MFSD8: variants seen among roughly 807,000 people sequenced by gnomAD.
MFSD8 encodes the protein major facilitator superfamily domain containing 8.
MFSD8 carries 55 observed loss-of-function variants against 66.4 expected under a neutral mutation model. The observed-to-expected ratio is 0.83, with a 90% confidence interval of 0.67 to 1.04. The LOEUF (loss-of-function observed/expected upper bound fraction) is 1.04. MFSD8 is among the 50% of genes least tolerant of loss of function. The pLI is 0.00. For missense variants in MFSD8, 550 were observed against 627.6 expected (o/e 0.88, Z 1.32); for synonymous variants, 202 against 212.8 (o/e 0.95, Z 0.44).
At chr4:127,950,022 A>G (rs1290599893) in intron 2 of MFSD8, among the ~76,000 whole-genome samples, 175 bp from the exon 3 acceptor site, 2 of 152,248 alleles carry the variant, frequency 1.3e-5, no homozygotes, top group African/African-American at 4.8e-5. Flanking sequence ...AATAAAGACT[A>G]AAAGAACATA....
intron 1 of MFSD8, among the ~76,000 whole-genome samples, chr4:127,958,492 G>A (rs1387840932): frequency 2.0e-5 from 3 of 151,966 alleles, no homozygotes; most frequent in Admixed American, 6.6e-5. Context: ...GTTGGGAGTG[G>A]TAAAGAGGAA....
At chr4:127,926,918 G>C (rs1737296645) in intron 9 of MFSD8, among the ~76,000 whole-genome samples, 2 of 152,174 alleles carry the variant, frequency 1.3e-5, no homozygotes, top group Non-Finnish European at 2.9e-5. Context: ...TCTGTGGTAT[G>C]ATACTGTTTC....
intron 4 of MFSD8, 65 bp from the exon 5 acceptor site, chr4:127,942,223 C>T (rs1740303313): frequency 7.8e-7 from 1 of 1,275,638 alleles, no homozygotes; most frequent in Non-Finnish European, 1.1e-6. Flanking sequence ...AAATTCAATC[C>T]AATTTGACTT....
intron 9 of MFSD8, among the ~76,000 whole-genome samples, chr4:127,925,509 T>C (rs545250155): frequency 6.6e-6 from 1 of 152,252 alleles, no homozygotes; most frequent in South Asian, 2.1e-4. Context: ...CACTGGTCAT[T>C]AGAGAAATGC....
rs112117684 is a variant in MFSD8, at chr4:127,943,174, CG to C, written c.439+577del. ...TAGAGGATGCAGTGAGCCAAGATTGCGCCACTGCATTCCAGTCTGGGTGACA... is the reference window on the plus strand; with the variant it reads ...TAGAGGATGCAGTGAGCCAAGATTGCCCACTGCATTCCAGTCTGGGTGACA... On this transcript the variant is annotated intron_variant, in intron 4 of 11. Coordinates refer to ENST00000641686, the MANE Select transcript of MFSD8 (RefSeq NM_001371596.2). 5.5e-3 allele frequency among the ~76,000 whole-genome samples: 829 copies of C among 151,142 alleles called. 13 individuals carry two copies. The highest frequency in any genetic ancestry group is 0.019 in the African/African-American group (787 of 41,110).
intron 3 of MFSD8, 102 bp from the exon 4 acceptor site, chr4:127,944,094 A>G (rs980104848): frequency 1.1e-5 from 16 of 1,500,830 alleles, no homozygotes; most frequent in Non-Finnish European, 1.5e-5. Flanking sequence ...AAAAATAAAA[A>G]CAATTCTAAC....
At chr4:127,946,100 T>C (rs2148930051) in intron 3 of MFSD8, among the ~76,000 whole-genome samples, 1 of 152,084 alleles carries the variant, frequency 6.6e-6, no homozygotes, top group Admixed American at 6.6e-5. Flanking sequence ...CTTTTTAAAT[T>C]TTTTTGTAGA....
intron 7 of MFSD8, among the ~76,000 whole-genome samples, chr4:127,934,862 C>T (rs532196198): frequency 7.4e-6 from 1 of 135,542 alleles, no homozygotes; most frequent in Non-Finnish European, 1.5e-5. Context: ...CAGCCTATGC[C>T]AGGTATTAAT....
At position 127,920,524 on chromosome 4, in the gene MFSD8, T is replaced by C. The variant is rs185907899; in HGVS notation, c.*106A>G. On this transcript the variant is annotated 3_prime_UTR_variant, in exon 12 of 12. Coordinates refer to ENST00000641686, the MANE Select transcript of MFSD8 (RefSeq NM_001371596.2). ...TGTTCTTGTTCTTCAAAATCTGCAA[T>C]ATCTGTAGTCTGATTCTTGGAGACT... 4.2e-5 allele frequency: 45 copies of C among 1,076,744 alleles called. No individual in the cohort carries two copies. The highest frequency in any genetic ancestry group is 3.9e-4 in the African/African-American group (25 of 64,872). The allele number at this position is 1,076,744 out of a possible 1,614,324, so 66.7% of individuals were successfully genotyped here. A position where few individuals can be genotyped will look rare whatever the true frequency, so the allele number is the denominator to read the frequency against.
At chr4:127,929,448 C>T (rs1737782372) in intron 9 of MFSD8, among the ~76,000 whole-genome samples, 1 of 147,804 alleles carries the variant, frequency 6.8e-6, no homozygotes, top group Admixed American at 6.7e-5. Context: ...ATTAGCCAGG[C>T]ATTATGGCAC....
chr4:127,962,458 A>AC (rs1743949507), intron 1 of MFSD8, among the ~76,000 whole-genome samples: 1 of 152,052 alleles, frequency 6.6e-6, no homozygotes, highest in Non-Finnish European at 1.5e-5. Flanking sequence ...ACAGAGCAAG[A>AC]CCCCGTCTCA....
rs138453020 is a variant in MFSD8 at position 127,927,630 on chromosome 4, A to T, written c.998+3053T>A. On this transcript the variant is annotated intron_variant, in intron 9 of 11. Transcript: ENST00000641686. ...GTTCCACCATAGACTATATGACTGAACTTAATTTTACACAAGCATTTCCCT... is the reference window on the plus strand; with the variant it reads ...GTTCCACCATAGACTATATGACTGATCTTAATTTTACACAAGCATTTCCCT... Among the ~76,000 whole-genome samples the T allele has an allele frequency of 1.8e-4, 27 of 152,320 alleles. No homozygotes were observed. The East Asian group carries it at 5.2e-3, about 29-fold the overall frequency.
At chr4:127,955,811 T>C (rs1280596644) in intron 2 of MFSD8, among the ~76,000 whole-genome samples, 1 of 152,156 alleles carries the variant, frequency 6.6e-6, no homozygotes, top group Non-Finnish European at 1.5e-5. Flanking sequence ...TAAGACTGTA[T>C]ATTTAAACTT....
chr4:127,944,287 G>A (rs1017060503), intron 3 of MFSD8, among the ~76,000 whole-genome samples: 1 of 152,044 alleles, frequency 6.6e-6, no homozygotes, highest in Non-Finnish European at 1.5e-5. Flanking sequence ...CACTATATAC[G>A]CATATAGCAA....
intron 7 of MFSD8, among the ~76,000 whole-genome samples, chr4:127,937,746 C>G (rs11931833): frequency 0.027 from 4,083 of 152,246 alleles, 160 homozygotes; most frequent in African/African-American, 0.093. Flanking sequence ...GAATCAATGT[C>G]AAACTTCTCC....
Position 127,921,939 on chromosome 4 carries a change from C to G in MFSD8, c.1023G>C (p.Leu341=). 6.2e-7 allele frequency: 1 copy of G among 1,614,090 alleles called. No individual in the cohort carries two copies. The highest frequency in any genetic ancestry group is 8.5e-7 in the Non-Finnish European group (1 of 1,180,012). Residue 341 remains leucine, a synonymous_variant, in exon 10 of 12, where the codon CTG becomes CTC. Transcript: ENST00000641686. The part of the protein sequence containing the change: ...SKKIGERAIL[L]GGLIVVWVGF... ...CAACCCATACAACGATGAGTCCTCC[C>G]AGTAGAATAGCACGCTCGCCAATCC... is the stretch of plus-strand genomic sequence containing the variant.
At chr4:127,939,728 A>G (rs1739818323) in intron 6 of MFSD8, 125 bp downstream of exon 6, 1 of 1,106,814 alleles carries the variant, frequency 9.0e-7, no homozygotes, top group Non-Finnish European at 1.3e-6. Flanking sequence ...TGACCAAAAA[A>G]TATAAACAAA....
chr4:127,941,605 G>A (rs2148913979), intron 5 of MFSD8, among the ~76,000 whole-genome samples: 1 of 152,180 alleles, frequency 6.6e-6, no homozygotes, highest in Admixed American at 6.5e-5. Context: ...GGGATTACAG[G>A]TGCCCGCCAC....
chr4:127,941,829 G>A (rs1740245897), intron 5 of MFSD8, among the ~76,000 whole-genome samples: 1 of 152,010 alleles, frequency 6.6e-6, no homozygotes, highest in South Asian at 2.1e-4. Flanking sequence ...TCTATGCACT[G>A]GCACTCTCAA....
Sources: allele counts gnomAD v4.1 joint callset (sites outside exome capture counted in the v4.1 genomes callset), GRCh38; gene constraint gnomAD v4.1.1; transcripts MANE v1.5; gene names NCBI Gene and HGNC (gene_info 2026-07-23, HGNC 2026-07-21).